Variants in MRTFB observed in about 807,000 individuals in gnomAD.
The protein encoded by MRTFB is myocardin-related transcription factor B.
A neutral mutation model predicts 104.2 loss-of-function variants in MRTFB; 29 were observed. The ratio of observed to expected loss-of-function variants is 0.28; its 90% CI spans 0.21 to 0.38. MRTFB has a LOEUF of 0.38. Among genes scored for constraint, MRTFB ranks in the 10% least tolerant of loss-of-function variants. MRTFB has a pLI of 1.00. For missense variants in MRTFB, 1,270 were observed against 1,341.6 expected (o/e 0.95, Z 0.83); for synonymous variants, 535 against 519.5 (o/e 1.03, Z -0.41).
At chr16:14,063,224 A>T in the MRTFB span, among the ~76,000 whole-genome samples, 1 of 152,072 alleles carries the variant, frequency 6.6e-6, no homozygotes, top group East Asian at 1.9e-4. Context: ...TGCTCACAAC[A>T]CCCTTCTGCT....
At chr16:14,186,662 G>C in intron 3 of MRTFB, 2 of 1,287,276 alleles carry the variant, frequency 1.6e-6, no homozygotes, top group Non-Finnish European at 2.0e-6. Context: ...AATCGTGCCT[G>C]TGTGGCTCTG....
intron 13 of MRTFB, among the ~76,000 whole-genome samples, chr16:14,249,892 T>TTCACAG: frequency 6.6e-6 from 1 of 152,208 alleles, no homozygotes; most frequent in African/African-American, 2.4e-5. Flanking sequence ...ACTGTCTGGG[T>TTCACAG]GAAACCAGCT....
rs56296807 is a variant in MRTFB at position 14,243,864 on chromosome 16, G to GTTTTTTTTTTTTTTTTTT, written c.1080-1651_1080-1650insTTTTTTTTTTTTTTTTTT. Among the ~76,000 whole-genome samples the GTTTTTTTTTTTTTTTTTT allele has an allele frequency of 6.3e-4, 79 of 124,634 alleles. 9 individuals are homozygous for GTTTTTTTTTTTTTTTTTT. The highest frequency in any genetic ancestry group is 2.0e-3 in the East Asian group (8 of 4,054). The allele number at this position is 124,634 out of a possible 152,430, so 81.8% of individuals were successfully genotyped here. On this transcript the variant is annotated intron_variant, in intron 10 of 16. Transcript: ENST00000571589. ...CAGAGATTAGTTTTGCCTGTTTTGG[G>GTTTTTTTTTTTTTTTTTT]TTTTTTTTTTTTTGAGACAGAGTCT...
intron 1 of MRTFB, among the ~76,000 whole-genome samples, chr16:14,074,263 A>T (rs1354026531): frequency 6.6e-6 from 1 of 152,178 alleles, no homozygotes; most frequent in African/African-American, 2.4e-5. Flanking sequence ...GAGAGTAATG[A>T]ATTTATATTA....
intron 10 of MRTFB, among the ~76,000 whole-genome samples, chr16:14,245,024 G>C (rs1465355228): frequency 6.6e-6 from 1 of 152,192 alleles, no homozygotes; most frequent in African/African-American, 2.4e-5. Context: ...CCAGTCAAGA[G>C]CCATGTTTTT....
At chr16:14,036,606 C>T in the MRTFB span, among the ~76,000 whole-genome samples, 4 of 150,042 alleles carry the variant, frequency 2.7e-5, no homozygotes, top group African/African-American at 9.8e-5. Flanking sequence ...TACATTCCAT[C>T]ATATATATGT....
In MRTFB at chr16:14,140,561, G is replaced by A; in HGVS notation, c.-46G>A. ...TTTGGCAGTGTCTTCAATAGGCCGT[G>A]TTTAAGAGGCGTCTTACACTCCCTG... On this transcript the variant is annotated 5_prime_UTR_variant, in exon 3 of 17. Coordinates refer to ENST00000571589, the MANE Select transcript of MRTFB (RefSeq NM_001308142.2). The A allele has an allele frequency of 6.2e-7, 1 of 1,608,850 alleles. No homozygotes were observed. Among genetic ancestry groups the A allele is most frequent in the Non-Finnish European group, 8.5e-7 (1 of 1,176,402 alleles).
At chr16:14,091,317 G>A (rs1040282394) in intron 2 of MRTFB, among the ~76,000 whole-genome samples, 39 of 152,156 alleles carry the variant, frequency 2.6e-4, no homozygotes, top group African/African-American at 8.7e-4. Flanking sequence ...TAAAAGGGGA[G>A]CTAATTGGAA....
rs226788 is a variant in MRTFB at position 14,217,178 on chromosome 16, T to C, written c.405T>C (p.Ala135=). ...LQATQMKLKR[A]RLADDLNEKI... is the part of the protein sequence containing the mutation. Reference sequence around the variant, plus strand: ...CTACTCAGATGAAGTTGAAAAGAGCTCGACTAGCAGATGATCTGAATGAAA... The same window carrying C: ...CTACTCAGATGAAGTTGAAAAGAGCCCGACTAGCAGATGATCTGAATGAAA... The change falls in exon 7 of 17, where the codon GCT becomes GCC. Residue 135 remains alanine (A), a synonymous_variant. Coordinates refer to ENST00000571589, the MANE Select transcript of MRTFB (RefSeq NM_001308142.2). 118,283 of 1,613,018 alleles carry C rather than the reference T, an allele frequency of 0.073. 6,846 individuals carry two copies. Among genetic ancestry groups the C allele is most frequent in the East Asian group, 0.3 (13,548 of 44,778 alleles).
the MRTFB span, among the ~76,000 whole-genome samples, chr16:14,023,921 C>T: frequency 6.6e-6 from 1 of 151,930 alleles, no homozygotes; most frequent in East Asian, 1.9e-4. Context: ...CATGATGGTG[C>T]ACACCTGTAA....
At chr16:14,133,875 AAC>A (rs1183486363) in intron 2 of MRTFB, among the ~76,000 whole-genome samples, 1 of 152,184 alleles carries the variant, frequency 6.6e-6, no homozygotes, top group Non-Finnish European at 1.5e-5. Context: ...TACACTTAAA[AAC>A]ACAGTTGTTC....
intron 12 of MRTFB, chr16:14,248,640 G>C: frequency 6.5e-6 from 2 of 308,120 alleles, no homozygotes; most frequent in South Asian, 7.5e-5. Flanking sequence ...GTGTAGAACT[G>C]CCTTAGGTTC....
At chr16:14,217,767 T>C (rs2041491097) in intron 7 of MRTFB, among the ~76,000 whole-genome samples, 1 of 152,268 alleles carries the variant, frequency 6.6e-6, no homozygotes, top group Non-Finnish European at 1.5e-5. Context: ...GTTTAATATT[T>C]TTACTAACTT....
chr16:14,238,920 T>G (rs1280936723), intron 9 of MRTFB, among the ~76,000 whole-genome samples: 1 of 152,240 alleles, frequency 6.6e-6, no homozygotes, highest in Non-Finnish European at 1.5e-5. Flanking sequence ...GTTTAATAAC[T>G]GGCTGGGCTC....
At chr16:14,033,283 T>G in the MRTFB span, among the ~76,000 whole-genome samples, 1 of 152,072 alleles carries the variant, frequency 6.6e-6, no homozygotes, top group South Asian at 2.1e-4. Flanking sequence ...CAGAGGCTTA[T>G]GCCTGTAATC....
intron 1 of MRTFB, among the ~76,000 whole-genome samples, chr16:14,073,036 G>A (rs533453587): frequency 1.8e-4 from 27 of 152,262 alleles, no homozygotes; most frequent in African/African-American, 5.3e-4. Flanking sequence ...TACTACAATT[G>A]TATGTTAACG....
At chr16:14,058,898 G>A in the MRTFB span, among the ~76,000 whole-genome samples, 4 of 151,336 alleles carry the variant, frequency 2.6e-5, no homozygotes, top group South Asian at 8.3e-4. Context: ...TTTTCTATTT[G>A]TAGTAGAGAC....
chr16:14,113,695 C>T (rs1311719190), intron 2 of MRTFB, among the ~76,000 whole-genome samples: 1 of 151,952 alleles, frequency 6.6e-6, no homozygotes, highest in Non-Finnish European at 1.5e-5. Flanking sequence ...ACCAGTCAGG[C>T]CCATAATCAT....
intron 3 of MRTFB, among the ~76,000 whole-genome samples, chr16:14,183,688 G>A (rs117274544): frequency 0.027 from 4,071 of 152,176 alleles, 68 homozygotes; most frequent in Middle Eastern, 0.085. Flanking sequence ...ATTCAGAGAT[G>A]ATTCTGGGGG....
Sources: allele counts gnomAD v4.1 joint callset (sites outside exome capture counted in the v4.1 genomes callset), GRCh38; gene constraint gnomAD v4.1.1; transcripts MANE v1.5; gene names NCBI Gene and HGNC (gene_info 2026-07-23, HGNC 2026-07-21).